The following APBB1IP variants were observed in gnomAD, a reference collection of about 807,000 sequenced individuals.
APBB1IP encodes amyloid beta precursor protein binding family B member 1 interacting protein.
APBB1IP carries 27 observed loss-of-function variants against 64.9 expected under a neutral mutation model. That is an observed-to-expected ratio of 0.42 (90% CI 0.31 to 0.57). APBB1IP has a LOEUF of 0.57. Among genes scored for constraint, APBB1IP ranks in the 20% least tolerant of loss-of-function variants. The pLI, the probability that APBB1IP is intolerant of heterozygous loss-of-function variation, is 0.20. For missense variants in APBB1IP, 812 were observed against 845.5 expected (o/e 0.96, Z 0.49); for synonymous variants, 392 against 331.0 (o/e 1.18, Z -2.00).
At chr10:26,551,492 G>A (rs1039951781) in intron 11 of APBB1IP, among the ~76,000 whole-genome samples, 1 of 152,186 alleles carries the variant, frequency 6.6e-6, no homozygotes, top group African/African-American at 2.4e-5. Context: ...CCTCATAAAG[G>A]CACTTTTGTG....
intron 2 of APBB1IP, among the ~76,000 whole-genome samples, chr10:26,475,408 G>A (rs702996): frequency 0.45 from 67,786 of 152,032 alleles, 15,925 homozygotes; most frequent in East Asian, 0.65. Flanking sequence ...GGCCGGAGCC[G>A]CCGTGCCTGG....
intron 2 of APBB1IP, among the ~76,000 whole-genome samples, chr10:26,474,022 A>AG (rs1835748886): frequency 6.7e-6 from 1 of 149,446 alleles, no homozygotes; most frequent in Non-Finnish European, 1.5e-5. Context: ...AAAAAAAAAA[A>AG]GTATGTTCTT....
At chr10:26,504,796 G>T (rs1396049572) in intron 6 of APBB1IP, among the ~76,000 whole-genome samples, 2 of 152,090 alleles carry the variant, frequency 1.3e-5, no homozygotes, top group Non-Finnish European at 2.9e-5. Context: ...TTGAGACAGG[G>T]TCTTGTTCTA....
chr10:26,447,802 C>A (rs982916037), intron 2 of APBB1IP, among the ~76,000 whole-genome samples: 1 of 152,118 alleles, frequency 6.6e-6, no homozygotes, highest in African/African-American at 2.4e-5. Context: ...CCACTCCCAT[C>A]CCATTTTTTT....
chr10:26,492,940 TG>T (rs1164498588), intron 3 of APBB1IP, among the ~76,000 whole-genome samples: 2 of 152,156 alleles, frequency 1.3e-5, no homozygotes, highest in Non-Finnish European at 2.9e-5. Context: ...CTAGCAACCC[TG>T]GGGGCGCTGC....
intron 14 of APBB1IP, among the ~76,000 whole-genome samples, chr10:26,564,983 A>G (rs1837021813): frequency 6.6e-6 from 1 of 152,084 alleles, no homozygotes; most frequent in South Asian, 2.1e-4. Flanking sequence ...TCCTGGCAAA[A>G]TGGACCTGTG....
chr10:26,474,941 T>C (rs1362972446), intron 2 of APBB1IP, among the ~76,000 whole-genome samples: 3 of 152,358 alleles, frequency 2.0e-5, no homozygotes, highest in Non-Finnish European at 2.9e-5. Flanking sequence ...TAACATTATC[T>C]GTTCTAGAGG....
chr10:26,485,493 A>G (rs117233461), intron 2 of APBB1IP, among the ~76,000 whole-genome samples: 3 of 152,160 alleles, frequency 2.0e-5, no homozygotes, highest in Admixed American at 6.6e-5. Context: ...CATCAACAAG[A>G]TCTGATTCTT....
chr10:26,509,980 CT>C (rs1264507333), intron 6 of APBB1IP, among the ~76,000 whole-genome samples: 2 of 151,952 alleles, frequency 1.3e-5, no homozygotes, highest in Admixed American at 1.3e-4. Flanking sequence ...GTTTTCTTTT[CT>C]TTTTTTGAGA....
chr10:26,449,757 C>T (rs554053331), intron 2 of APBB1IP, among the ~76,000 whole-genome samples: 11 of 152,218 alleles, frequency 7.2e-5, no homozygotes, highest in African/African-American at 1.2e-4. Context: ...TGCCTGTAAA[C>T]GCAACTCTTT....
chr10:26,546,702 T>C (rs563700348), intron 11 of APBB1IP, among the ~76,000 whole-genome samples: 2 of 152,336 alleles, frequency 1.3e-5, no homozygotes, highest in African/African-American at 2.4e-5. Context: ...TAGTAACCAC[T>C]ATTCTACTCT....
intron 2 of APBB1IP, among the ~76,000 whole-genome samples, chr10:26,444,372 G>A (rs183587882): frequency 1.3e-5 from 2 of 152,254 alleles, no homozygotes; most frequent in East Asian, 1.9e-4. Context: ...CTGAGAAGGC[G>A]AATAACATGA....
At chr10:26,501,458 A>C in intron 5 of APBB1IP, 1 of 465,232 alleles carries the variant, frequency 2.1e-6, no homozygotes. Context: ...CCCTGTTCTT[A>C]GCTCAGTACA....
Position 26,558,726 on chromosome 10 carries a change from G to A in APBB1IP, c.1156-1379G>A, listed in dbSNP as rs571258489. ...CAGGAGTTAGAGGCTGCAGTGAGCC[G>A]TGATGGCACAACTGCACTCCAACCT... On this transcript the variant is annotated intron_variant, in intron 11 of 14. Coordinates refer to ENST00000376236, the MANE Select transcript of APBB1IP (RefSeq NM_019043.4). Among the ~76,000 whole-genome samples the A allele has an allele frequency of 5.3e-5, 8 of 152,140 alleles. No individual in the cohort carries two copies. The South Asian group carries it at 8.3e-4, about 16-fold the overall frequency.
At chr10:26,516,563 T>TAAAAAAAAAAAAA (rs1198670517) in intron 8 of APBB1IP, among the ~76,000 whole-genome samples, 295 of 53,122 alleles carry the variant, frequency 5.6e-3, no homozygotes, top group East Asian at 0.01. Context: ...AAAAAAAAAG[T>TAAAAAAAAAAAAA]AAAGCGGAAA....
chr10:26,465,718 A>G lies in APBB1IP; in HGVS notation c.1-26609A>G, dbSNP rs1011938796. ...CACTGAATTTTGACATAAACATGTC[A>G]TTCACCAGATGTGTGTCCTTGTGTG... On this transcript the variant is annotated intron_variant, in intron 2 of 14. Coordinates refer to ENST00000376236, the MANE Select transcript of APBB1IP (RefSeq NM_019043.4). Among the ~76,000 whole-genome samples, 5 of 152,222 alleles carry G rather than the reference A, an allele frequency of 3.3e-5. No individual in the cohort carries two copies. The South Asian group carries it at 8.3e-4, about 25-fold the overall frequency.
intron 2 of APBB1IP, among the ~76,000 whole-genome samples, chr10:26,486,776 A>C (rs889617891): frequency 1.1e-4 from 16 of 152,212 alleles, no homozygotes; most frequent in African/African-American, 3.9e-4. Context: ...AATGTTTAAA[A>C]GACATAGTTT....
At chr10:26,472,456 C>A (rs775129943) in intron 2 of APBB1IP, among the ~76,000 whole-genome samples, 4 of 152,166 alleles carry the variant, frequency 2.6e-5, no homozygotes, top group Non-Finnish European at 5.9e-5. Flanking sequence ...TTCAGTTTGG[C>A]TTCTACCCTC....
intron 9 of APBB1IP, among the ~76,000 whole-genome samples, chr10:26,535,162 CTATGCAAGT>C (rs892743355): frequency 6.6e-6 from 1 of 151,738 alleles, no homozygotes; most frequent in African/African-American, 2.4e-5. Context: ...TTCTATAATC[CTATGCAAGT>C]TTTGAGATTT....
Sources: allele counts gnomAD v4.1 joint callset (sites outside exome capture counted in the v4.1 genomes callset), GRCh38; gene constraint gnomAD v4.1.1; transcripts MANE v1.5; gene names NCBI Gene and HGNC (gene_info 2026-07-23, HGNC 2026-07-21).